Variants in PCOLCE observed in about 807,000 individuals in gnomAD.
PCOLCE encodes the protein procollagen C-endopeptidase enhancer, also known as procollagen C-endopeptidase enhancer 1.
PCOLCE carries 33 observed loss-of-function variants against 47.2 expected under a neutral mutation model. The ratio of observed to expected loss-of-function variants is 0.70; its 90% CI spans 0.53 to 0.93. The LOEUF is 0.93. Ranked by LOEUF, PCOLCE falls within the 40% of genes least tolerant of loss-of-function variation. The probability of loss-of-function intolerance (pLI) is 0.00; values close to 1 mark genes in which losing one functional copy is unlikely to be tolerated. For synonymous variants in PCOLCE, 254 were observed against 252.5 expected, an observed-to-expected ratio of 1.01 and a Z score of -0.06; for missense variants, 584 against 585.3, an observed-to-expected ratio of 1.00 and a Z score of 0.02.
At position 100,605,954 on chromosome 7, in the gene PCOLCE, A is replaced by T. The variant is rs957401041; in HGVS notation, c.725+142A>T. On this transcript the variant is annotated intron_variant, in intron 5 of 8. Coordinates refer to ENST00000223061, the MANE Select transcript of PCOLCE (RefSeq NM_002593.4). This position sits in a 1 kb window ranked among gnomAD's most constrained non-coding sequence, Gnocchi z 6.1. ...CGGCGAGGGGAGCAGGTTGGAGGCCAGGCAAAGAGGAGATTTGGCCCCGGG... is the reference window on the plus strand; with the variant it reads ...CGGCGAGGGGAGCAGGTTGGAGGCCTGGCAAAGAGGAGATTTGGCCCCGGG... The T allele has an allele frequency of 3.7e-5, 35 of 958,514 alleles. No homozygotes were observed. The highest frequency in any genetic ancestry group is 5.3e-5 in the Non-Finnish European group (35 of 660,328). 59.4% of individuals were successfully genotyped at this position (958,514 alleles called of 1,614,324 possible).
In PCOLCE at chr7:100,605,643, C is replaced by G; in HGVS notation, c.589-33C>G. Reference sequence around the variant, plus strand: ...GAGGTGCAGGCGCCCAGGGGTGTCCCGCCGCGCAGTCCCCGCCTCCGCCCG... The same window carrying G: ...GAGGTGCAGGCGCCCAGGGGTGTCCGGCCGCGCAGTCCCCGCCTCCGCCCG... On this transcript the variant is annotated intron_variant, in intron 4 of 8. Transcript: ENST00000223061. The surrounding 1 kb of genome is among the most constrained non-coding windows in gnomAD (Gnocchi z 6.1). 6.4e-7 allele frequency: 1 copy of G among 1,559,862 alleles called. No individual in the cohort carries two copies. The highest frequency in any genetic ancestry group is 2.4e-5 in the East Asian group (1 of 41,722).
At position 100,604,730 on chromosome 7, in the gene PCOLCE, AG is replaced by A. The variant is rs1802680580; in HGVS notation, c.464-359del. 1 of 322,552 alleles carries A rather than the reference AG, an allele frequency of 3.1e-6. No individual in the cohort carries two copies. The highest frequency in any genetic ancestry group is 5.9e-6 in the Non-Finnish European group (1 of 170,806). 20.0% of individuals were successfully genotyped at this position (322,552 alleles called of 1,614,324 possible). On this transcript the variant is annotated intron_variant, in intron 3 of 8. Transcript: ENST00000223061. The surrounding 1 kb of genome is among the most constrained non-coding windows in gnomAD (Gnocchi z 6.4). ...TCCTCGGGGGCTGTGCCCCAAGTCG[AG>A]GACACCCTCTCCAGCCTGAAAGGGG...
chr7:100,606,078 T>C (rs1283862263), intron 5 of PCOLCE: 42 of 547,804 alleles, frequency 7.7e-5, no homozygotes, highest in East Asian at 3.2e-5. Flanking sequence ...CCTGTAATCA[T>C]AGCACTTTGG....
chr7:100,603,590 G>A, intron 2 of PCOLCE, 52 bp downstream of exon 2: 1 of 910,188 alleles, frequency 1.1e-6, no homozygotes, highest in Admixed American at 2.6e-5. Context: ...GAGGCAAAAA[G>A]GCCTGACTGC....
chr7:100,607,521 T>G lies in PCOLCE; in HGVS notation c.1010T>G (p.Leu337Arg). 9.3e-6 allele frequency: 15 copies of G among 1,614,020 alleles called. No individual in the cohort carries two copies. The highest frequency in any genetic ancestry group is 1.3e-5 in the Non-Finnish European group (15 of 1,179,928). The change falls in exon 7 of 9, where the codon CTT becomes CGT. Residue 337 changes from leucine (L) to arginine (R), a missense_variant and splice_region_variant. Coordinates refer to ENST00000223061, the MANE Select transcript of PCOLCE (RefSeq NM_002593.4). The part of the protein sequence containing the change: ...TLQSNFCASS[L>R]VVTATVKSMV... Reference sequence around the variant, plus strand: ...CAGAGCAACTTCTGTGCCAGCAGCCTTGGTAAGAATACCCCCAACCCCATT... The same window carrying G: ...CAGAGCAACTTCTGTGCCAGCAGCCGTGGTAAGAATACCCCCAACCCCATT...
chr7:100,604,536 C>T lies in PCOLCE; in HGVS notation c.463+319C>T. On this transcript the variant is annotated intron_variant, in intron 3 of 8. Coordinates refer to ENST00000223061, the MANE Select transcript of PCOLCE (RefSeq NM_002593.4). The surrounding 1 kb of genome is among the most constrained non-coding windows in gnomAD (Gnocchi z 6.4). ...CTGCCGGCCCCCGTCCGCAATCGGG[C>T]TCCCTCCGTCGGGCGCGAGGGGGCA... is the stretch of plus-strand genomic sequence containing the variant. 1 of 464,470 alleles carries T rather than the reference C, an allele frequency of 2.2e-6. No individual in the cohort carries two copies. Among genetic ancestry groups the T allele is most frequent in the Non-Finnish European group, 4.0e-6 (1 of 251,646 alleles). The allele number at this position is 464,470 out of a possible 1,614,324, so 28.8% of individuals were successfully genotyped here. A position where few individuals can be genotyped will look rare whatever the true frequency, so the allele number is the denominator to read the frequency against.
rs755511553 is a variant in PCOLCE, at chr7:100,604,200, G to T, written c.446G>T (p.Arg149Leu). 1 of 1,611,660 alleles carries T rather than the reference G, an allele frequency of 6.2e-7. No homozygotes were observed. The highest frequency in any genetic ancestry group is 8.5e-7 in the Non-Finnish European group (1 of 1,179,860). ...GRGFLLWYSG[R>L]ATSGTEHQFC... The stretch of plus-strand genomic sequence containing the variant: ...GGCTTCCTGCTCTGGTACAGCGGGC[G>T]GGCCACCTCGGGCACTGGTGAGAAC... Residue 149 changes from arginine (R) to leucine (L), a missense_variant, in exon 3 of 9, where the codon CGG becomes CTG. Coordinates refer to ENST00000223061, the MANE Select transcript of PCOLCE (RefSeq NM_002593.4). The surrounding 1 kb of genome is among the most constrained non-coding windows in gnomAD (Gnocchi z 6.4).
Position 100,605,563 on chromosome 7 carries a change from C to G in PCOLCE, c.589-113C>G. ...GGTGTGAACGCCTTCAGGAGGGGGG[C>G]CCAGAGGACGCGGGAGGTGGGAGTG... is the stretch of plus-strand genomic sequence containing the variant. On this transcript the variant is annotated intron_variant, in intron 4 of 8. Coordinates refer to ENST00000223061, the MANE Select transcript of PCOLCE (RefSeq NM_002593.4). This position sits in a 1 kb window ranked among gnomAD's most constrained non-coding sequence, Gnocchi z 6.1. 7.6e-7 allele frequency: 1 copy of G among 1,322,728 alleles called. No homozygotes were observed. Among genetic ancestry groups the G allele is most frequent in the South Asian group, 1.4e-5 (1 of 70,466 alleles). 81.9% of individuals were successfully genotyped at this position (1,322,728 alleles called of 1,614,324 possible). A position where few individuals can be genotyped will look rare whatever the true frequency, so the allele number is the denominator to read the frequency against.
rs1802671204 is a variant in PCOLCE, at chr7:100,604,278, C to T, written c.463+61C>T. 2 of 1,440,388 alleles carry T rather than the reference C, an allele frequency of 1.4e-6. No individual in the cohort carries two copies. Among genetic ancestry groups the T allele is most frequent in the East Asian group, 2.5e-5 (1 of 40,432 alleles). 89.2% of individuals were successfully genotyped at this position (1,440,388 alleles called of 1,614,324 possible). On this transcript the variant is annotated intron_variant, in intron 3 of 8. Coordinates refer to ENST00000223061, the MANE Select transcript of PCOLCE (RefSeq NM_002593.4). The surrounding 1 kb of genome is among the most constrained non-coding windows in gnomAD (Gnocchi z 6.4). ...AGGCCCCGCCCCGGCCGCAGCCCCG[C>T]CCCCAGCCCTAACCTCCGCCCCGCC...
Position 100,604,442 on chromosome 7 carries a change from G to A in PCOLCE, c.463+225G>A, listed in dbSNP as rs1385170122. 1 of 626,906 alleles carries A rather than the reference G, an allele frequency of 1.6e-6. No homozygotes were observed. Among genetic ancestry groups the A allele is most frequent in the South Asian group, 1.8e-5 (1 of 54,578 alleles). 38.8% of individuals were successfully genotyped at this position (626,906 alleles called of 1,614,324 possible). On this transcript the variant is annotated intron_variant, in intron 3 of 8. Coordinates refer to ENST00000223061, the MANE Select transcript of PCOLCE (RefSeq NM_002593.4). The surrounding 1 kb of genome is among the most constrained non-coding windows in gnomAD (Gnocchi z 6.4). Reference sequence around the variant, plus strand: ...CCCTCTTCCAGGGCCCCCCCCAGGCGCGAGGCGGAAATGGGTCACCGACCC... The same window carrying A: ...CCCTCTTCCAGGGCCCCCCCCAGGCACGAGGCGGAAATGGGTCACCGACCC...
chr7:100,605,687 G>T lies in PCOLCE; in HGVS notation c.600G>T (p.Leu200=). ...IIAPPDQVIA[L]TFEKFDLEPD... ...CCGCCCGCCGCCAGGTCATCGCGCT[G>T]ACCTTCGAGAAGTTTGACCTGGAGC... is the stretch of plus-strand genomic sequence containing the variant. The change falls in exon 5 of 9, where the codon CTG becomes CTT. Residue 200 remains leucine, a synonymous_variant. Coordinates refer to ENST00000223061, the MANE Select transcript of PCOLCE (RefSeq NM_002593.4). The surrounding 1 kb of genome is among the most constrained non-coding windows in gnomAD (Gnocchi z 6.1). 2 of 1,582,664 alleles carry T rather than the reference G, an allele frequency of 1.3e-6. No homozygotes were observed. Among genetic ancestry groups the T allele is most frequent in the South Asian group, 1.2e-5 (1 of 86,690 alleles).
intron 6 of PCOLCE, among the ~76,000 whole-genome samples, chr7:100,607,113 C>T (rs1163949408): frequency 8.3e-6 from 1 of 120,066 alleles, no homozygotes; most frequent in Non-Finnish European, 1.9e-5. Flanking sequence ...AAAACTTAGC[C>T]AGGCGTGTGG....
rs1217063832 is a variant in PCOLCE, at chr7:100,607,993, C to T, written c.1240C>T (p.Pro414Ser). 4 of 1,614,036 alleles carry T rather than the reference C, an allele frequency of 2.5e-6. No homozygotes were observed. The highest frequency in any genetic ancestry group is 3.4e-6 in the Non-Finnish European group (4 of 1,180,026). ...VEENRGPVLP[P>S]ESFVVLHRPN... ...AGAGAACAGAGGCCCCGTCCTTCCT[C>T]CAGAGAGCTTTGTGGTTCTCCACCG... is the stretch of plus-strand genomic sequence containing the variant. The change falls in exon 9 of 9, where the codon CCA becomes TCA. Residue 414 changes from proline to serine, a missense_variant. Coordinates refer to ENST00000223061, the MANE Select transcript of PCOLCE (RefSeq NM_002593.4).
intron 5 of PCOLCE, 63 bp from the exon 6 acceptor site, chr7:100,606,353 C>A: frequency 8.4e-7 from 1 of 1,191,166 alleles, no homozygotes; most frequent in Non-Finnish European, 1.2e-6. Context: ...GGTCATGGGG[C>A]TGAGAAGAGT....
At position 100,607,666 on chromosome 7, in the gene PCOLCE, C is replaced by T. The variant is rs763164366; in HGVS notation, c.1042C>T (p.Arg348Trp). The change falls in exon 8 of 9, where the codon CGG (arginine) becomes TGG (tryptophan). Residue 348 changes from arginine (R) to tryptophan (W), a missense_variant. By Grantham distance (101) the Arg-to-Trp change is moderately radical. Coordinates refer to ENST00000223061, the MANE Select transcript of PCOLCE (RefSeq NM_002593.4). ...GACTGCGACAGTGAAGTCCATGGTT[C>T]GGGAGCCAGGGGAGGGCCTTGCCGT... ...VVTATVKSMV[R>W]EPGEGLAVTV... The T allele has an allele frequency of 3.7e-5, 60 of 1,613,970 alleles. No individual in the cohort carries two copies. Among genetic ancestry groups the T allele is most frequent in the Non-Finnish European group, 4.2e-5 (50 of 1,180,022 alleles).
chr7:100,603,027 T>C, intron 1 of PCOLCE: 1 of 243,006 alleles, frequency 4.1e-6, no homozygotes. Flanking sequence ...TGCAGCTCCC[T>C]CCATCTCTCC....
rs1436727238 is a variant in PCOLCE, at chr7:100,605,326, C to T, written c.588+111C>T. The T allele has an allele frequency of 8.6e-7, 1 of 1,156,412 alleles. No homozygotes were observed. The highest frequency in any genetic ancestry group is 1.2e-6 in the Non-Finnish European group (1 of 826,106). The allele number at this position is 1,156,412 out of a possible 1,614,324, so 71.6% of individuals were successfully genotyped here. A position where few individuals can be genotyped will look rare whatever the true frequency, so the allele number is the denominator to read the frequency against. On this transcript the variant is annotated intron_variant, in intron 4 of 8. Coordinates refer to ENST00000223061, the MANE Select transcript of PCOLCE (RefSeq NM_002593.4). This position sits in a 1 kb window ranked among gnomAD's most constrained non-coding sequence, Gnocchi z 6.1. ...CTGTGTCCCGAGCACTGCGCTTGCG[C>T]TGGTGGGCACCCAAAACAGCCCCAA...
intron 2 of PCOLCE, 166 bp downstream of exon 2, chr7:100,603,704 A>G: frequency 1.7e-6 from 1 of 591,006 alleles, no homozygotes; most frequent in Non-Finnish European, 3.0e-6. Flanking sequence ...CGTAACACGC[A>G]TCATCTTAAC....
intron 1 of PCOLCE, 143 bp downstream of exon 1, chr7:100,602,694 C>G (rs1008633271): frequency 1.9e-5 from 12 of 635,696 alleles, no homozygotes; most frequent in Non-Finnish European, 3.4e-5. Flanking sequence ...CTCTGGCCCC[C>G]AAATCCTCCC....
Sources: allele counts gnomAD v4.1 joint callset (sites outside exome capture counted in the v4.1 genomes callset), GRCh38; gene constraint gnomAD v4.1.1; non-coding constraint Gnocchi (gnomAD v3.1); transcripts MANE v1.5; gene names NCBI Gene and HGNC (gene_info 2026-07-23, HGNC 2026-07-21).